Variants in CHD6 observed in about 807,000 individuals in gnomAD.
The protein encoded by CHD6 is chromodomain helicase DNA binding protein 6.
A neutral mutation model predicts 276.9 loss-of-function variants in CHD6; 50 were observed. The ratio of observed to expected loss-of-function variants is 0.18; its 90% CI spans 0.14 to 0.23. CHD6 has a LOEUF of 0.23. CHD6 is among the 10% of genes least tolerant of loss of function. The pLI is 1.00. For missense variants in CHD6, 2,564 were observed against 3,365.8 expected (o/e 0.76, Z 5.89); for synonymous variants, 1,173 against 1,229.3 (o/e 0.95, Z 0.96).
At chr20:41,528,251 T>C (rs2044591980) in intron 3 of CHD6, among the ~76,000 whole-genome samples, 3 of 152,114 alleles carry the variant, frequency 2.0e-5, no homozygotes. Flanking sequence ...TTATTAACAT[T>C]TCATGACCCT....
At chr20:41,510,087 T>C (rs996150548) in intron 5 of CHD6, among the ~76,000 whole-genome samples, 1 of 152,148 alleles carries the variant, frequency 6.6e-6, no homozygotes, top group African/African-American at 2.4e-5. Flanking sequence ...CATCCCCTTC[T>C]CTGCCCTGAG....
intron 27 of CHD6, among the ~76,000 whole-genome samples, chr20:41,435,103 TAATAAACACCTA>T (rs2047665011): frequency 6.6e-6 from 1 of 151,844 alleles, no homozygotes; most frequent in Admixed American, 6.6e-5. Context: ...GGACACTAAA[TAATAAACACCTA>T]AATAATTCAT....
intron 36 of CHD6, among the ~76,000 whole-genome samples, chr20:41,409,413 A>G (rs1358163744): frequency 6.6e-6 from 1 of 152,230 alleles, no homozygotes; most frequent in African/African-American, 2.4e-5. Context: ...CACTGGAGGC[A>G]AATCTGCTTT....
intron 2 of CHD6, among the ~76,000 whole-genome samples, chr20:41,540,917 G>A (rs1319004151): frequency 6.6e-6 from 1 of 151,654 alleles, no homozygotes; most frequent in African/African-American, 2.4e-5. Flanking sequence ...AACATTTCAG[G>A]TAGCTAAAGT....
At chr20:41,556,486 G>C (rs1024655365) in intron 1 of CHD6, among the ~76,000 whole-genome samples, 1 of 152,058 alleles carries the variant, frequency 6.6e-6, no homozygotes, top group South Asian at 2.1e-4. Context: ...GGCCATAAGC[G>C]GGTAGGAAAT....
At chr20:41,524,683 T>C (rs142586923) in intron 3 of CHD6, among the ~76,000 whole-genome samples, 98 of 152,336 alleles carry the variant, frequency 6.4e-4, no homozygotes, top group African/African-American at 2.2e-3. Context: ...CATTAAGCAA[T>C]GGCTACTGAC....
chr20:41,454,147 C>T (rs1206760073), intron 20 of CHD6, among the ~76,000 whole-genome samples: 2 of 152,160 alleles, frequency 1.3e-5, no homozygotes, highest in African/African-American at 2.4e-5. Context: ...AAGCTTCATC[C>T]GAAGGCATAC....
intron 17 of CHD6, among the ~76,000 whole-genome samples, chr20:41,464,296 C>G (rs371197307): frequency 6.6e-6 from 1 of 151,916 alleles, no homozygotes; most frequent in Non-Finnish European, 1.5e-5. Context: ...TGAAGCAGGT[C>G]GTGAAGAAAA....
At chr20:41,539,397 G>A (rs1186436044) in intron 2 of CHD6, among the ~76,000 whole-genome samples, 1 of 152,148 alleles carries the variant, frequency 6.6e-6, no homozygotes, top group African/African-American at 2.4e-5. Context: ...GGAATAAAAT[G>A]GACCCAGGAC....
At chr20:41,571,994 C>T (rs1328956333) in intron 1 of CHD6, among the ~76,000 whole-genome samples, 1 of 152,160 alleles carries the variant, frequency 6.6e-6, no homozygotes, top group Non-Finnish European at 1.5e-5. Context: ...TTTTACCTGT[C>T]CTGTGCCTTA....
At chr20:41,494,876 C>T (rs1258680244) in intron 8 of CHD6, among the ~76,000 whole-genome samples, 1 of 152,208 alleles carries the variant, frequency 6.6e-6, no homozygotes, top group African/African-American at 2.4e-5. Context: ...AGCTTTATCT[C>T]TACCTCTTTA....
intron 2 of CHD6, among the ~76,000 whole-genome samples, chr20:41,538,308 G>A (rs773620368): frequency 6.6e-6 from 1 of 152,018 alleles, no homozygotes; most frequent in Non-Finnish European, 1.5e-5. Context: ...CTGAGATCGC[G>A]CCACTGTACT....
intron 1 of CHD6, among the ~76,000 whole-genome samples, chr20:41,597,847 G>A (rs1010052883): frequency 4.6e-5 from 7 of 151,994 alleles, no homozygotes; most frequent in African/African-American, 9.7e-5. Context: ...GGAGACTTGC[G>A]AAGTCAAAGG....
intron 1 of CHD6, among the ~76,000 whole-genome samples, chr20:41,575,115 T>C (rs754520578): frequency 2.4e-4 from 37 of 152,342 alleles, no homozygotes; most frequent in Middle Eastern, 3.4e-3. Flanking sequence ...ACATAGCGTG[T>C]ACATCAAGTA....
intron 16 of CHD6, among the ~76,000 whole-genome samples, chr20:41,476,825 A>C (rs916878296): frequency 1.3e-5 from 2 of 152,266 alleles, no homozygotes; most frequent in South Asian, 4.1e-4. Context: ...AAAAAAGCTA[A>C]AAAAATCCCA....
At chr20:41,475,667 C>T (rs866260842) in intron 16 of CHD6, among the ~76,000 whole-genome samples, 31 of 152,270 alleles carry the variant, frequency 2.0e-4, no homozygotes, top group Non-Finnish European at 2.6e-4. Context: ...CCATTTCCCC[C>T]CCTCTACCCT....
At position 41,505,524 on chromosome 20, in the gene CHD6, A is replaced by C. The variant is rs2043955782; in HGVS notation, c.853-6167T>G. ...GAGAAATGCCTCCAGAGAAGAAAAC[A>C]GCCAGCCATCGTCAGCCCACCTCCG... On this transcript the variant is annotated intron_variant, in intron 5 of 36. Transcript: ENST00000373233. 3.3e-5 allele frequency among the ~76,000 whole-genome samples: 5 copies of C among 152,360 alleles called. No individual in the cohort carries two copies. In the South Asian group the frequency reaches 1.0e-3, roughly 32 times the overall value.
At chr20:41,607,025 CGAT>C in intron 1 of CHD6, among the ~76,000 whole-genome samples, 1 of 152,248 alleles carries the variant, frequency 6.6e-6, no homozygotes, top group South Asian at 2.1e-4. Context: ...CAACTCACCA[CGAT>C]CTTTAAAGCC....
intron 1 of CHD6, among the ~76,000 whole-genome samples, chr20:41,594,198 T>A (rs1161371441): frequency 6.6e-6 from 1 of 152,192 alleles, no homozygotes; most frequent in Non-Finnish European, 1.5e-5. Flanking sequence ...TGGAACCTTT[T>A]TACCTAGCTG....
Sources: gnomAD v4.1 joint callset for allele counts (sites outside exome capture counted in the v4.1 genomes callset) on GRCh38, gnomAD v4.1.1 for gene constraint, MANE v1.5 for transcripts, NCBI Gene and HGNC (gene_info 2026-07-23, HGNC 2026-07-21) for gene names.